The following POC1A variants were observed in gnomAD, a reference collection of about 807,000 sequenced individuals.
The protein encoded by POC1A is POC1 centriolar protein A.
POC1A carries 34 observed loss-of-function variants against 47.8 expected under a neutral mutation model. That is an observed-to-expected ratio of 0.71 (90% CI 0.54 to 0.95). The LOEUF (loss-of-function observed/expected upper bound fraction) is 0.95. Ranked by LOEUF, POC1A falls within the 40% of genes least tolerant of loss-of-function variation. The pLI is 0.00. For missense variants in POC1A, 466 were observed against 528.3 expected (o/e 0.88, Z 1.16); for synonymous variants, 177 against 207.6 (o/e 0.85, Z 1.27).
chr3:52,143,339 C>A lies in POC1A; in HGVS notation c.679+2507G>T, dbSNP rs1698259481. Among the ~76,000 whole-genome samples, 3 of 152,088 alleles carry A rather than the reference C, an allele frequency of 2.0e-5. No individual in the cohort carries two copies. The South Asian group carries it at 6.2e-4, about 31-fold the overall frequency. On this transcript the variant is annotated intron_variant, in intron 6 of 10. Transcript: ENST00000296484. Reference sequence around the variant, plus strand: ...AGATCCGCCCCTGCCCTCTGCCAAGCCTGCTCCCTCCAGGTCCCCAGCTCC... The same window carrying A: ...AGATCCGCCCCTGCCCTCTGCCAAGACTGCTCCCTCCAGGTCCCCAGCTCC...
At chr3:52,095,656 A>G (rs1481461492) in intron 10 of POC1A, among the ~76,000 whole-genome samples, 1 of 152,116 alleles carries the variant, frequency 6.6e-6, no homozygotes, top group Non-Finnish European at 1.5e-5. Flanking sequence ...TCAAGAGCCA[A>G]GGAGATGAGG....
chr3:52,092,190 C>T (rs369361623), intron 10 of POC1A, among the ~76,000 whole-genome samples: 8 of 152,244 alleles, frequency 5.3e-5, no homozygotes, highest in Middle Eastern at 3.2e-3. Flanking sequence ...CATCCCCACA[C>T]AGGGGCAGGC....
At chr3:52,122,595 C>A (rs996856504) in intron 8 of POC1A, 118 bp from the exon 9 acceptor site, 8 of 681,582 alleles carry the variant, frequency 1.2e-5, no homozygotes, top group East Asian at 2.6e-5. Context: ...GGATAGTGGT[C>A]CCCACCTGAC....
chr3:52,115,040 C>T (rs1291182110), intron 9 of POC1A, among the ~76,000 whole-genome samples: 1 of 152,190 alleles, frequency 6.6e-6, no homozygotes, highest in Non-Finnish European at 1.5e-5. Context: ...CTTGAGGCGT[C>T]GGGGGTTTGG....
At position 52,075,538 on chromosome 3, in the gene POC1A, T is replaced by C. The variant is rs1702091045; in HGVS notation, c.*349A>G. On this transcript the variant is annotated 3_prime_UTR_variant, in exon 11 of 11. Coordinates refer to ENST00000296484, the MANE Select transcript of POC1A (RefSeq NM_015426.5). Reference sequence around the variant, plus strand: ...CACATGTCCAAATGATGAGTGAAAATCAAGGCATCGTGGAGCCACCTCCTC... The same window carrying C: ...CACATGTCCAAATGATGAGTGAAAACCAAGGCATCGTGGAGCCACCTCCTC... 5.1e-6 allele frequency: 1 copy of C among 197,808 alleles called. No individual in the cohort carries two copies. The highest frequency in any genetic ancestry group is 5.0e-5 in the Admixed American group (1 of 19,838). 12.3% of individuals were successfully genotyped at this position (197,808 alleles called of 1,614,324 possible).
chr3:52,104,781 G>C (rs548105625), intron 9 of POC1A, among the ~76,000 whole-genome samples: 7 of 152,202 alleles, frequency 4.6e-5, no homozygotes, highest in Non-Finnish European at 7.3e-5. Context: ...TGAGAGAGCC[G>C]CAGAGATTCC....
intron 9 of POC1A, among the ~76,000 whole-genome samples, chr3:52,108,531 A>G (rs560620642): frequency 1.3e-5 from 2 of 152,308 alleles, no homozygotes; most frequent in Admixed American, 1.3e-4. Flanking sequence ...CACTTAGTTC[A>G]ATGGAGAGTG....
intron 9 of POC1A, among the ~76,000 whole-genome samples, chr3:52,103,441 G>A (rs1257094303): frequency 2.6e-5 from 4 of 152,200 alleles, no homozygotes; most frequent in African/African-American, 4.8e-5. Flanking sequence ...CAGAAGAATC[G>A]CTTGAACGTG....
At chr3:52,140,486 C>T (rs370795211) in intron 6 of POC1A, among the ~76,000 whole-genome samples, 2 of 152,204 alleles carry the variant, frequency 1.3e-5, no homozygotes, top group East Asian at 3.9e-4. Flanking sequence ...GAGCTCTGGG[C>T]TTCCCAGCAC....
At chr3:52,135,854 G>A (rs780573120) in intron 7 of POC1A, among the ~76,000 whole-genome samples, 4 of 152,290 alleles carry the variant, frequency 2.6e-5, no homozygotes, top group East Asian at 3.9e-4. Context: ...TGGGAGGGGC[G>A]CAGGAATCAG....
At chr3:52,138,753 G>T (rs184676578) in intron 6 of POC1A, among the ~76,000 whole-genome samples, 1 of 152,282 alleles carries the variant, frequency 6.6e-6, no homozygotes, top group African/African-American at 2.4e-5. Flanking sequence ...ACGTGTGTGG[G>T]GGCAGACGAG....
At chr3:52,145,713 C>T (rs1020523967) in intron 6 of POC1A, 133 bp downstream of exon 6, 8 of 607,364 alleles carry the variant, frequency 1.3e-5, no homozygotes, top group Non-Finnish European at 2.3e-5. Flanking sequence ...CCTGGAATCC[C>T]AACAAACCCA....
intron 9 of POC1A, among the ~76,000 whole-genome samples, chr3:52,099,163 C>T (rs1334733678): frequency 6.6e-6 from 1 of 152,196 alleles, no homozygotes; most frequent in Non-Finnish European, 1.5e-5. Context: ...CAGAGCTGAA[C>T]TCAGAGCAGG....
At chr3:52,140,543 C>CA (rs1698158652) in intron 6 of POC1A, among the ~76,000 whole-genome samples, 1 of 152,226 alleles carries the variant, frequency 6.6e-6, no homozygotes, top group South Asian at 2.1e-4. Context: ...CAGGGGCCCC[C>CA]ACCTGGTCAA....
chr3:52,142,574 C>T (rs1250373928), intron 6 of POC1A, among the ~76,000 whole-genome samples: 1 of 152,212 alleles, frequency 6.6e-6, no homozygotes, highest in South Asian at 2.1e-4. Flanking sequence ...TAGCCACACA[C>T]TGCAGTATCA....
chr3:52,131,638 C>T (rs907240096), intron 7 of POC1A, among the ~76,000 whole-genome samples: 7 of 152,156 alleles, frequency 4.6e-5, no homozygotes, highest in African/African-American at 1.4e-4. Flanking sequence ...GACATGTACA[C>T]CAAGGCACCC....
chr3:52,076,473 C>A (rs1350901269), intron 10 of POC1A, among the ~76,000 whole-genome samples: 1 of 152,206 alleles, frequency 6.6e-6, no homozygotes, highest in Non-Finnish European at 1.5e-5. Flanking sequence ...CCCCTCACAC[C>A]TGGAAGAGCC....
chr3:52,087,674 A>G (rs1409106594), intron 10 of POC1A, among the ~76,000 whole-genome samples: 1 of 152,204 alleles, frequency 6.6e-6, no homozygotes, highest in Non-Finnish European at 1.5e-5. Context: ...CTCCTTTTAA[A>G]TGAACACAGC....
At chr3:52,138,339 G>A in intron 6 of POC1A, 37 bp from the exon 7 acceptor site, 2 of 1,583,908 alleles carry the variant, frequency 1.3e-6, no homozygotes, top group East Asian at 2.3e-5. Context: ...TGGCTAGGAG[G>A]CACAGGGAGC....
Sources: gnomAD v4.1 joint callset for allele counts (sites outside exome capture counted in the v4.1 genomes callset) on GRCh38, gnomAD v4.1.1 for gene constraint, MANE v1.5 for transcripts, NCBI Gene and HGNC (gene_info 2026-07-23, HGNC 2026-07-21) for gene names.